NUP210: variants seen among roughly 807,000 people sequenced by gnomAD.
NUP210 encodes the protein nuclear pore membrane glycoprotein 210.
In NUP210, 151 loss-of-function variants were observed where a neutral mutation model predicts 196.0. That is an observed-to-expected ratio of 0.77 (90% CI 0.67 to 0.88). NUP210 has a LOEUF of 0.88. NUP210 is among the 40% of genes least tolerant of loss of function. The pLI is 0.00. For synonymous variants in NUP210, 1,070 were observed against 1,052.7 expected (o/e 1.02, Z -0.32); for missense variants, 2,314 against 2,493.7 (o/e 0.93, Z 1.53).
chr3:13,365,725 C>T (rs757219608), intron 14 of NUP210, among the ~76,000 whole-genome samples: 14 of 152,224 alleles, frequency 9.2e-5, no homozygotes, highest in Non-Finnish European at 1.5e-4. Context: ...AGCGCTGTCT[C>T]GCGTAACCAC....
chr3:13,352,516 A>G lies in NUP210; in HGVS notation c.2629-332T>C, dbSNP rs111442055. ...CCTCACAGCAAAGGGTCAGCTTCAG[A>G]GCATGTGGCCGCTGGCCAGGCCAGG... On this transcript the variant is annotated intron_variant, in intron 18 of 39. Transcript: ENST00000254508. Among the ~76,000 whole-genome samples, 1,182 of 152,346 alleles carry G rather than the reference A, an allele frequency of 7.8e-3. 9 individuals carry two copies. Among genetic ancestry groups the G allele is most frequent in the Non-Finnish European group, 0.012 (815 of 68,034 alleles).
intron 6 of NUP210, among the ~76,000 whole-genome samples, chr3:13,381,049 G>C (rs566767266): frequency 9.8e-5 from 15 of 152,330 alleles, no homozygotes; most frequent in South Asian, 4.1e-4. Flanking sequence ...TCTGATGTAG[G>C]CTAGAATTGA....
Position 13,354,015 on chromosome 3 carries a change from G to T in NUP210, c.2421C>A (p.Ile807=), listed in dbSNP as rs763217314. The T allele has an allele frequency of 6.2e-7, 1 of 1,609,340 alleles. No individual in the cohort carries two copies. Among genetic ancestry groups the T allele is most frequent in the South Asian group, 1.1e-5 (1 of 89,976 alleles). The change falls in exon 17 of 40, where the codon ATC becomes ATA. Residue 807 remains isoleucine (I), a synonymous_variant. Transcript: ENST00000254508. The part of the protein sequence containing the change: ...RRFDNFSSLS[I]QWESTRPVLA... ...ACACTGGCCTGGTGGACTCCCACTG[G>T]ATGCTCAGAGAGCTGAAGTTGTCGA...
In NUP210 at chr3:13,347,229, T is replaced by C; in HGVS notation, c.2836-3926A>G. On this transcript the variant is annotated intron_variant, in intron 20 of 39. Transcript: ENST00000254508. The surrounding 1 kb of genome is among the most constrained non-coding windows in gnomAD (Gnocchi z 4.7). ...TGGGCCCCCCGGCTTCATTCCCTCC[T>C]GAATCCGCAGTGCTTAACACAGCAC... 8 of 985,326 alleles carry C rather than the reference T, an allele frequency of 8.1e-6. No homozygotes were observed. Among genetic ancestry groups the C allele is most frequent in the Non-Finnish European group, 9.6e-6 (8 of 829,840 alleles). The allele number at this position is 985,326 out of a possible 1,614,324, so 61.0% of individuals were successfully genotyped here. A position where few individuals can be genotyped will look rare whatever the true frequency, so the allele number is the denominator to read the frequency against.
In NUP210 at chr3:13,327,296, C is replaced by T. The variant is rs1696800204; in HGVS notation, c.4428G>A (p.Gln1476=). 1.9e-6 allele frequency: 3 copies of T among 1,613,396 alleles called. No homozygotes were observed. Among genetic ancestry groups the T allele is most frequent in the Non-Finnish European group, 2.5e-6 (3 of 1,180,042 alleles). The change falls in exon 32 of 40, where the codon CAG becomes CAA. Residue 1476 remains glutamine, a synonymous_variant. Coordinates refer to ENST00000254508, the MANE Select transcript of NUP210 (RefSeq NM_024923.4). ...LSDFMPLPVL[Q]AISPELSGAM... Reference sequence around the variant, plus strand: ...CCCCAGACAGCTCTGGGGAGATGGCCTGTAGGACAGGCAGGGGCATGAAGT... The same window carrying T: ...CCCCAGACAGCTCTGGGGAGATGGCTTGTAGGACAGGCAGGGGCATGAAGT...
chr3:13,367,550 AC>A (rs1431617109), intron 13 of NUP210, among the ~76,000 whole-genome samples: 1 of 152,080 alleles, frequency 6.6e-6, no homozygotes, highest in Admixed American at 6.6e-5. Flanking sequence ...TATTATCTGT[AC>A]CCCCAGAATC....
At position 13,420,022 on chromosome 3, in the gene NUP210, G is replaced by C. The variant is rs1481728221; in HGVS notation, c.167+38C>G. ...GCCTCTCAGCGCGAAGGCCCAGCCC[G>C]GCCCACGGCGCCCGCCCGGCCCGGC... On this transcript the variant is annotated intron_variant, in intron 1 of 39. Coordinates refer to ENST00000254508, the MANE Select transcript of NUP210 (RefSeq NM_024923.4). The surrounding 1 kb of genome is among the most constrained non-coding windows in gnomAD (Gnocchi z 4.8). The C allele has an allele frequency of 1.7e-6, 2 of 1,159,648 alleles. No homozygotes were observed. The highest frequency in any genetic ancestry group is 1.6e-5 in the African/African-American group (1 of 60,764). 71.8% of individuals were successfully genotyped at this position (1,159,648 alleles called of 1,614,324 possible).
At chr3:13,343,925 T>C (rs1164470078) in intron 20 of NUP210, among the ~76,000 whole-genome samples, 1 of 152,272 alleles carries the variant, frequency 6.6e-6, no homozygotes, top group Non-Finnish European at 1.5e-5. Flanking sequence ...CTCATCTTTG[T>C]GTCTCATCAC....
rs1253265741 is a variant in NUP210 at position 13,391,252 on chromosome 3, G to A, written c.492C>T (p.Asp164=). ...GLVFEWTIVK[D]SEADRFSDSH... ...AGTCTGAGAACCTGTCCGCCTCGGAGTCCTTCACAATCGTCCACTCGAAGA... is the reference window on the plus strand; with the variant it reads ...AGTCTGAGAACCTGTCCGCCTCGGAATCCTTCACAATCGTCCACTCGAAGA... The change falls in exon 4 of 40, where the codon GAC becomes GAT. Residue 164 remains aspartate (D), a synonymous_variant. Transcript: ENST00000254508. 1.2e-6 allele frequency: 2 copies of A among 1,612,786 alleles called. No individual in the cohort carries two copies. Among genetic ancestry groups the A allele is most frequent in the Non-Finnish European group, 1.7e-6 (2 of 1,179,518 alleles).
chr3:13,410,366 TGA>T (rs995691978), intron 1 of NUP210, among the ~76,000 whole-genome samples: 1 of 150,428 alleles, frequency 6.6e-6, no homozygotes, highest in Non-Finnish European at 1.5e-5. Context: ...TTAGCAGAAA[TGA>T]GGTTTCTCCA....
At position 13,347,063 on chromosome 3, in the gene NUP210, C is replaced by T. The variant is rs924663552; in HGVS notation, c.2836-3760G>A. ...AGGCCCTGCAATTGCCACCCACTCCCCACTCATCCTGGACACATGTCCTCA... is the reference window on the plus strand; with the variant it reads ...AGGCCCTGCAATTGCCACCCACTCCTCACTCATCCTGGACACATGTCCTCA... On this transcript the variant is annotated intron_variant, in intron 20 of 39. Transcript: ENST00000254508. This position sits in a 1 kb window ranked among gnomAD's most constrained non-coding sequence, Gnocchi z 4.7. 14 of 985,306 alleles carry T rather than the reference C, an allele frequency of 1.4e-5. No homozygotes were observed. Among genetic ancestry groups the T allele is most frequent in the Admixed American group, 6.1e-5 (1 of 16,274 alleles). The allele number at this position is 985,306 out of a possible 1,614,324, so 61.0% of individuals were successfully genotyped here.
At position 13,399,852 on chromosome 3, in the gene NUP210, G is replaced by A; in HGVS notation, c.177C>T (p.Thr59=). The change falls in exon 2 of 40, where the codon ACC becomes ACT. Residue 59 remains threonine, a synonymous_variant. Coordinates refer to ENST00000254508, the MANE Select transcript of NUP210 (RefSeq NM_024923.4). ...ASEGCYRWLS[T]RPEVASIEPL... ...GCTCGATGCTGGCCACCTCCGGCCG[G>A]GTGGACAACCTGCAGTGGAAGAAGA... The A allele has an allele frequency of 1.2e-6, 2 of 1,607,552 alleles. No homozygotes were observed. The highest frequency in any genetic ancestry group is 1.7e-6 in the Non-Finnish European group (2 of 1,176,710).
At chr3:13,400,782 A>G (rs897128507) in intron 1 of NUP210, among the ~76,000 whole-genome samples, 5 of 152,056 alleles carry the variant, frequency 3.3e-5, no homozygotes, top group African/African-American at 1.2e-4. Context: ...CCAAGGCCCC[A>G]GGAGGGGCCA....
intron 6 of NUP210, among the ~76,000 whole-genome samples, chr3:13,385,187 TA>T (rs1045868962): frequency 2.6e-4 from 40 of 152,316 alleles, no homozygotes; most frequent in African/African-American, 9.4e-4. Flanking sequence ...AGCAGGACTT[TA>T]AACAATGCAG....
chr3:13,343,050 CA>C, intron 21 of NUP210, 124 bp downstream of exon 21: 3 of 1,175,018 alleles, frequency 2.6e-6, no homozygotes, highest in Non-Finnish European at 3.7e-6. Context: ...CGCAAGCTCA[CA>C]GGGGAAGGGA....
chr3:13,319,258 C>T lies in NUP210; in HGVS notation c.5451G>A (p.Leu1817=), dbSNP rs779077685. 6.2e-7 allele frequency: 1 copy of T among 1,613,418 alleles called. No homozygotes were observed. Among genetic ancestry groups the T allele is most frequent in the Non-Finnish European group, 8.5e-7 (1 of 1,179,688 alleles). Residue 1817 remains leucine (L), a synonymous_variant, in exon 38 of 40, where the codon CTG becomes CTA. Coordinates refer to ENST00000254508, the MANE Select transcript of NUP210 (RefSeq NM_024923.4). ...TGATCATGACCGCTGTCCCAGCCAA[C>T]AGGGCGAAGAGCGTGAAGAACATGA... ...YQVMFFTLFA[L]LAGTAVMIIA...
rs776232761 is a variant in NUP210 at position 13,340,038 on chromosome 3, G to A, written c.3292-5C>T. 2 of 1,612,894 alleles carry A rather than the reference G, an allele frequency of 1.2e-6. No homozygotes were observed. Among genetic ancestry groups the A allele is most frequent in the East Asian group, 4.5e-5 (2 of 44,844 alleles). ...GGGGCCGCCCTCGGAGGTGACCTGA[G>A]CGGGGAGGAAACAGCGGCGTGTCAG... On this transcript the variant is annotated splice_region_variant and splice_polypyrimidine_tract_variant and intron_variant, in intron 24 of 39. Coordinates refer to ENST00000254508, the MANE Select transcript of NUP210 (RefSeq NM_024923.4). The surrounding 1 kb of genome is among the most constrained non-coding windows in gnomAD (Gnocchi z 4.0).
intron 3 of NUP210, among the ~76,000 whole-genome samples, chr3:13,395,862 T>C (rs773599007): frequency 2.0e-5 from 3 of 152,186 alleles, no homozygotes; most frequent in Non-Finnish European, 4.4e-5. Flanking sequence ...TCTTTCCCTA[T>C]AGCAACACTG....
chr3:13,351,291 C>G (rs1270509562), intron 20 of NUP210, among the ~76,000 whole-genome samples: 1 of 152,144 alleles, frequency 6.6e-6, no homozygotes, highest in Non-Finnish European at 1.5e-5. Context: ...AAGCAATTTT[C>G]TTTATGGCTG....
Sources: allele counts gnomAD v4.1 joint callset (sites outside exome capture counted in the v4.1 genomes callset), GRCh38; gene constraint gnomAD v4.1.1; non-coding constraint Gnocchi (gnomAD v3.1); transcripts MANE v1.5; gene names NCBI Gene and HGNC (gene_info 2026-07-23, HGNC 2026-07-21).